The following PLCL1 variants were observed in gnomAD, a reference collection of about 807,000 sequenced individuals.
The protein encoded by PLCL1 is inactive phospholipase C-like protein 1.
Under a neutral mutation model 84.4 loss-of-function variants are expected in PLCL1, and 41 were observed. The observed-to-expected ratio is 0.49, with a 90% CI of 0.38 to 0.63. PLCL1 has a LOEUF of 0.63. Among genes scored for constraint, PLCL1 ranks in the 30% least tolerant of loss-of-function variants. PLCL1 has a pLI of 0.00. For missense variants in PLCL1, 1,206 were observed against 1,367.8 expected (o/e 0.88, Z 1.87); for synonymous variants, 490 against 488.3 (o/e 1.00, Z -0.05).
chr2:198,057,556 C>G (rs1298463653), intron 1 of PLCL1, among the ~76,000 whole-genome samples: 1 of 152,004 alleles, frequency 6.6e-6, no homozygotes. Context: ...TTTGGTTACC[C>G]AGTATATTTT....
chr2:197,994,502 A>C (rs1244245430), intron 1 of PLCL1, among the ~76,000 whole-genome samples: 1 of 152,220 alleles, frequency 6.6e-6, no homozygotes, highest in Non-Finnish European at 1.5e-5. Context: ...GGATTACTTC[A>C]TATTTGGGGA....
At chr2:198,096,298 C>A (rs1693191136) in intron 3 of PLCL1, among the ~76,000 whole-genome samples, 1 of 152,178 alleles carries the variant, frequency 6.6e-6, no homozygotes, top group South Asian at 2.1e-4. Context: ...TAACACACTT[C>A]TTCTACCACC....
At chr2:197,822,027 A>C (rs543435062) in intron 1 of PLCL1, among the ~76,000 whole-genome samples, 1 of 152,278 alleles carries the variant, frequency 6.6e-6, no homozygotes, top group South Asian at 2.1e-4. Flanking sequence ...AGTTGGCTTC[A>C]AAATGATGTC....
chr2:197,966,284 C>T (rs763920216), intron 1 of PLCL1, among the ~76,000 whole-genome samples: 25 of 152,070 alleles, frequency 1.6e-4, no homozygotes, highest in Non-Finnish European at 2.9e-4. Flanking sequence ...GTCACATGCC[C>T]CCAAGTTCAC....
chr2:197,939,469 A>G (rs1288792572), intron 1 of PLCL1, among the ~76,000 whole-genome samples: 1 of 152,146 alleles, frequency 6.6e-6, no homozygotes, highest in Non-Finnish European at 1.5e-5. Flanking sequence ...TTTGGAGGGT[A>G]GAAGTCCAGG....
At chr2:197,987,956 A>C (rs1040208312) in intron 1 of PLCL1, among the ~76,000 whole-genome samples, 10 of 152,174 alleles carry the variant, frequency 6.6e-5, no homozygotes. Context: ...TTCAGCACTG[A>C]GACTGAGTTT....
chr2:197,853,859 G>A (rs1024962141), intron 1 of PLCL1, among the ~76,000 whole-genome samples: 1 of 152,094 alleles, frequency 6.6e-6, no homozygotes, highest in African/African-American at 2.4e-5. Flanking sequence ...CCTGTTTGTA[G>A]ACTAATTTAA....
intron 1 of PLCL1, among the ~76,000 whole-genome samples, chr2:197,878,757 C>A (rs1366923464): frequency 6.6e-6 from 1 of 152,126 alleles, no homozygotes; most frequent in African/African-American, 2.4e-5. Flanking sequence ...TGACTAGGCT[C>A]TCACAGTGGT....
chr2:197,881,032 T>G (rs1687817940), intron 1 of PLCL1, among the ~76,000 whole-genome samples: 1 of 152,186 alleles, frequency 6.6e-6, no homozygotes, highest in South Asian at 2.1e-4. Flanking sequence ...TAGGGGACTC[T>G]GTGGTTCTCC....
chr2:197,924,195 C>G (rs1688789502), intron 1 of PLCL1, among the ~76,000 whole-genome samples: 1 of 148,392 alleles, frequency 6.7e-6, no homozygotes, highest in Admixed American at 6.7e-5. Flanking sequence ...GGCCCCCTTA[C>G]ATTTTTGCAC....
chr2:198,028,488 C>T (rs377764543), intron 1 of PLCL1, among the ~76,000 whole-genome samples: 1 of 152,176 alleles, frequency 6.6e-6, no homozygotes, highest in East Asian at 1.9e-4. Flanking sequence ...AGGATTTATC[C>T]TGCTTTCAAC....
At chr2:197,963,207 T>A (rs1033658788) in intron 1 of PLCL1, among the ~76,000 whole-genome samples, 1 of 152,072 alleles carries the variant, frequency 6.6e-6, no homozygotes, top group Non-Finnish European at 1.5e-5. Flanking sequence ...GTACCACCTA[T>A]GGATGAAGGT....
chr2:197,912,806 TG>T (rs1559043148), intron 1 of PLCL1, among the ~76,000 whole-genome samples: 3 of 14,014 alleles, frequency 2.1e-4, no homozygotes, highest in East Asian at 5.6e-3. Flanking sequence ...GGGTGGGGGG[TG>T]GGGGGAGGGG....
intron 1 of PLCL1, among the ~76,000 whole-genome samples, chr2:197,875,982 A>T (rs1057383922): frequency 1.3e-5 from 2 of 152,166 alleles, no homozygotes; most frequent in Non-Finnish European, 2.9e-5. Flanking sequence ...TGACTATATA[A>T]CACTGCTACA....
intron 1 of PLCL1, among the ~76,000 whole-genome samples, chr2:198,032,893 G>A (rs964905773): frequency 6.6e-6 from 1 of 152,072 alleles, no homozygotes; most frequent in African/African-American, 2.4e-5. Flanking sequence ...AATGCATCAG[G>A]AAATTGGGAA....
intron 1 of PLCL1, among the ~76,000 whole-genome samples, chr2:198,070,461 A>G (rs111312987): frequency 0.01 from 1,559 of 152,168 alleles, 33 homozygotes; most frequent in African/African-American, 0.035. Flanking sequence ...CTAATTTTCC[A>G]GATACATTAT....
At chr2:198,021,571 G>A (rs1691135057) in intron 1 of PLCL1, among the ~76,000 whole-genome samples, 2 of 152,124 alleles carry the variant, frequency 1.3e-5, no homozygotes, top group South Asian at 4.1e-4. Flanking sequence ...GATCACCACT[G>A]GTCCCACAGA....
chr2:198,063,173 TTCC>T (rs1559090488), intron 1 of PLCL1, among the ~76,000 whole-genome samples: 1 of 145,874 alleles, frequency 6.9e-6, no homozygotes, highest in Non-Finnish European at 1.5e-5. Context: ...ACTGAGTTTT[TTCC>T]TCTTTATTTT....
intron 1 of PLCL1, among the ~76,000 whole-genome samples, chr2:197,857,449 A>C (rs797004346): frequency 1.3e-5 from 2 of 152,316 alleles, no homozygotes; most frequent in African/African-American, 2.4e-5. Context: ...ATAAACTACT[A>C]TAGTACTGCT....
Sources: gnomAD v4.1 joint callset for allele counts (sites outside exome capture counted in the v4.1 genomes callset) on GRCh38, gnomAD v4.1.1 for gene constraint, MANE v1.5 for transcripts, NCBI Gene and HGNC (gene_info 2026-07-23, HGNC 2026-07-21) for gene names.